Variants in PTTG1IP2 observed in about 807,000 individuals in gnomAD.
The protein encoded by PTTG1IP2 is PTTG1IP family member 2.
intron 1 of PTTG1IP2, among the ~76,000 whole-genome samples, chr7:90,472,317 CA>C (rs765329161): frequency 6.1e-5 from 6 of 98,056 alleles, no homozygotes; most frequent in Middle Eastern, 4.9e-3. Context: ...CACACACACA[CA>C]CACCCCAAAT....
intron 6 of PTTG1IP2, among the ~76,000 whole-genome samples, chr7:90,507,614 A>G (rs567980036): frequency 6.6e-6 from 1 of 152,308 alleles, no homozygotes; most frequent in Admixed American, 6.5e-5. Flanking sequence ...AAGGAGCTCA[A>G]TCTCAGGGCC....
chr7:90,513,212 AAGGTGAAACTTGAG>A (rs1426195247), intron 6 of PTTG1IP2, 52 bp from the exon 7 acceptor site: 5 of 152,628 alleles, frequency 3.3e-5, no homozygotes, highest in African/African-American at 1.2e-4. Flanking sequence ...TTCTAGTTTG[AAGGTGAAACTTGAG>A]AGTTAGCACT....
chr7:90,495,823 G>A (rs1192897364), intron 6 of PTTG1IP2, among the ~76,000 whole-genome samples: 2 of 152,174 alleles, frequency 1.3e-5, no homozygotes, highest in South Asian at 4.1e-4. Flanking sequence ...GGGTGCCCTA[G>A]GCAAACAACA....
intron 1 of PTTG1IP2, chr7:90,470,157 A>G (rs1021797683): frequency 6.6e-6 from 1 of 152,186 alleles, no homozygotes. Context: ...AAAGTTTTAA[A>G]TTTGAGGAAA....
At chr7:90,483,266 A>G (rs769081605) in intron 2 of PTTG1IP2, among the ~76,000 whole-genome samples, 6 of 152,136 alleles carry the variant, frequency 3.9e-5, no homozygotes, top group Non-Finnish European at 7.4e-5. Flanking sequence ...TTTCCTTGAG[A>G]ATTTTAAGAC....
intron 3 of PTTG1IP2, among the ~76,000 whole-genome samples, chr7:90,488,664 T>C (rs922626604): frequency 3.3e-5 from 5 of 151,996 alleles, no homozygotes; most frequent in Non-Finnish European, 7.4e-5. Flanking sequence ...AAATGTTAAC[T>C]CCTCTAGCAA....
In PTTG1IP2 at chr7:90,487,365, C is replaced by G. The variant is rs142354743; in HGVS notation, c.231C>G (p.Tyr77Ter). 1 of 152,658 alleles carries G rather than the reference C, an allele frequency of 6.6e-6. No individual in the cohort carries two copies. The highest frequency in any genetic ancestry group is 1.5e-5 in the Non-Finnish European group (1 of 68,008). The allele number at this position is 152,658 out of a possible 1,614,324, so 9.5% of individuals were successfully genotyped here. Residue 77 changes from tyrosine to a stop codon, truncating the protein, a stop_gained, in exon 3 of 7, where the codon TAC (tyrosine) becomes TAG (stop). Coordinates refer to ENST00000509356, the MANE Select transcript of PTTG1IP2 (RefSeq NM_001365443.2). LOFTEE classifies it high-confidence loss of function. ...GTGAAGAAAAAGCATGCAAAAAATACTGTTTTCCCTATTTCGGTTGTCGAT... is the reference window on the plus strand; with the variant it reads ...GTGAAGAAAAAGCATGCAAAAAATAGTGTTTTCCCTATTTCGGTTGTCGAT... ...WCSEEKACKK[Y>*]CFPYFGCRFS...
At position 90,469,948 on chromosome 7, in the gene PTTG1IP2, C is replaced by T. The variant is rs17867671; in HGVS notation, c.145+17C>T. 0.22 allele frequency: 34,305 copies of T among 152,570 alleles called. 4,275 individuals are homozygous for T. Among genetic ancestry groups the T allele is most frequent in the East Asian group, 0.55 (2,833 of 5,150 alleles). 9.5% of individuals were successfully genotyped at this position (152,570 alleles called of 1,614,324 possible). A position where few individuals can be genotyped will look rare whatever the true frequency, so the allele number is the denominator to read the frequency against. ...ATGAAGAGGGTGAGTGATCTGGAGT[C>T]CTGAGGTGGGTGCCCCACATGCTCC... is the stretch of plus-strand genomic sequence containing the variant. On this transcript the variant is annotated intron_variant, in intron 1 of 6. Coordinates refer to ENST00000509356, the MANE Select transcript of PTTG1IP2 (RefSeq NM_001365443.2).
intron 2 of PTTG1IP2, among the ~76,000 whole-genome samples, chr7:90,482,758 A>C (rs17869211): frequency 0.17 from 26,304 of 151,924 alleles, 2,418 homozygotes; most frequent in East Asian, 0.24. Flanking sequence ...AATGAGCATC[A>C]TAAGACTGTT....
intron 3 of PTTG1IP2, 144 bp downstream of exon 3, chr7:90,487,564 G>C (rs1584694619): frequency 2.0e-5 from 3 of 152,514 alleles, no homozygotes; most frequent in Non-Finnish European, 4.4e-5. Context: ...CATGGCACAT[G>C]TATACCTATG....
At chr7:90,477,534 T>C (rs1797761743) in intron 1 of PTTG1IP2, among the ~76,000 whole-genome samples, 1 of 152,156 alleles carries the variant, frequency 6.6e-6, no homozygotes, top group Non-Finnish European at 1.5e-5. Flanking sequence ...AAATCCTAGT[T>C]GAGGGGCATT....
intron 6 of PTTG1IP2, among the ~76,000 whole-genome samples, chr7:90,508,546 C>G (rs1798151283): frequency 6.6e-6 from 1 of 152,068 alleles, no homozygotes; most frequent in Non-Finnish European, 1.5e-5. Context: ...CAGATTATAC[C>G]TGAGCAATAG....
At chr7:90,470,963 C>CACAAAAAAAAAAAAAAGAA (rs1797677693) in intron 1 of PTTG1IP2, among the ~76,000 whole-genome samples, 1 of 108,112 alleles carries the variant, frequency 9.2e-6, no homozygotes, top group Non-Finnish European at 2.0e-5. Context: ...TGATGAAGAA[C>CACAAAAAAAAAAAAAAGAA]AAAAAAAAAA....
intron 1 of PTTG1IP2, among the ~76,000 whole-genome samples, chr7:90,477,862 C>T (rs926157021): frequency 2.0e-5 from 3 of 152,014 alleles, no homozygotes; most frequent in Non-Finnish European, 4.4e-5. Context: ...ATTTGGGAGG[C>T]TGAGGCGGGC....
At chr7:90,507,145 A>G (rs1798133759) in intron 6 of PTTG1IP2, among the ~76,000 whole-genome samples, 1 of 152,242 alleles carries the variant, frequency 6.6e-6, no homozygotes, top group East Asian at 1.9e-4. Flanking sequence ...TTAGGCAGTC[A>G]ATGTATAAAG....
At chr7:90,485,426 C>T (rs1273144534) in intron 2 of PTTG1IP2, among the ~76,000 whole-genome samples, 3 of 152,088 alleles carry the variant, frequency 2.0e-5, no homozygotes, top group South Asian at 2.1e-4. Context: ...GAATACAGCT[C>T]CACACACTCC....
intron 1 of PTTG1IP2, among the ~76,000 whole-genome samples, chr7:90,474,243 A>T (rs778289329): frequency 6.6e-6 from 1 of 152,240 alleles, no homozygotes; most frequent in Non-Finnish European, 1.5e-5. Context: ...TAGAAATGGA[A>T]TAGTAAAAAT....
At chr7:90,507,237 C>T (rs1798134759) in intron 6 of PTTG1IP2, among the ~76,000 whole-genome samples, 1 of 152,060 alleles carries the variant, frequency 6.6e-6, no homozygotes, top group South Asian at 2.1e-4. Flanking sequence ...GAAAAGCTAT[C>T]TAAATAAAAT....
At chr7:90,490,434 GAAAA>G (rs74273143) in intron 4 of PTTG1IP2, among the ~76,000 whole-genome samples, 1 of 129,042 alleles carries the variant, frequency 7.7e-6, no homozygotes. Flanking sequence ...AGTGCTTGCA[GAAAA>G]AAAAAAAAAA....
Sources: gnomAD v4.1 joint callset for allele counts (sites outside exome capture counted in the v4.1 genomes callset) on GRCh38, gnomAD v4.1.1 for gene constraint, MANE v1.5 for transcripts, NCBI Gene and HGNC (gene_info 2026-07-23, HGNC 2026-07-21) for gene names.